CCDC82: variants seen among roughly 807,000 people sequenced by gnomAD.
CCDC82 encodes the protein coiled-coil domain-containing protein 82.
Under a neutral mutation model 60.6 loss-of-function variants are expected in CCDC82, and 47 were observed. The ratio of observed to expected loss-of-function variants is 0.77; its 90% CI spans 0.61 to 0.99. The LOEUF is 0.99. CCDC82 is among the 50% of genes least tolerant of loss of function. The pLI, the probability that CCDC82 is intolerant of heterozygous loss-of-function variation, is 0.00. For synonymous variants in CCDC82, 212 were observed against 207.4 expected, an observed-to-expected ratio of 1.02 and a Z score of -0.19; for missense variants, 588 against 633.0, an observed-to-expected ratio of 0.93 and a Z score of 0.76.
chr11:96,362,405 G>C (rs531671504), intron 8 of CCDC82, among the ~76,000 whole-genome samples: 1 of 152,158 alleles, frequency 6.6e-6, no homozygotes, highest in South Asian at 2.1e-4. Flanking sequence ...CAATCCAAAG[G>C]GTTCTATTTG....
chr11:96,371,262 A>T (rs921507693), intron 6 of CCDC82, 125 bp from the exon 7 acceptor site: 2 of 627,926 alleles, frequency 3.2e-6, no homozygotes, highest in Admixed American at 4.0e-5. Context: ...AAAATATTTA[A>T]AAAATCATTC....
At position 96,384,432 on chromosome 11, in the gene CCDC82, C is replaced by A; in HGVS notation, c.316G>T (p.Gly106Cys). 1 of 1,613,652 alleles carries A rather than the reference C, an allele frequency of 6.2e-7. No homozygotes were observed. ...TTCGTTTCTTCTTCATATGTTGAAC[C>A]GTTGCCAGAGTTAATGAGACACTTA... ...DSKCLINSGNGSTYEEETNKI... is the reference protein window; with the variant it reads ...DSKCLINSGNCSTYEEETNKI... The change falls in exon 4 of 10, where the codon GGT becomes TGT. Residue 106 changes from glycine to cysteine, a missense_variant. Coordinates refer to ENST00000646818, the MANE Select transcript of CCDC82 (RefSeq NM_024725.4).
chr11:96,357,818 AG>A (rs1287660971), intron 9 of CCDC82: 39 of 985,284 alleles, frequency 4.0e-5, no homozygotes, highest in Non-Finnish European at 4.3e-5. Flanking sequence ...TCTCTCCTAA[AG>A]CAAATGAAAA....
intron 3 of CCDC82, chr11:96,385,840 T>C (rs1866160146): frequency 6.6e-6 from 1 of 152,046 alleles, no homozygotes; most frequent in African/African-American, 2.4e-5. Flanking sequence ...TCTGTGGTTG[T>C]TAGGGAATAG....
intron 5 of CCDC82, among the ~76,000 whole-genome samples, chr11:96,379,168 C>T (rs1480226522): frequency 1.3e-5 from 2 of 151,926 alleles, no homozygotes; most frequent in African/African-American, 2.4e-5. Context: ...TTATTCATCA[C>T]ATAGGTTACT....
intron 8 of CCDC82, among the ~76,000 whole-genome samples, chr11:96,361,652 C>T (rs1864666961): frequency 6.6e-6 from 1 of 152,150 alleles, no homozygotes; most frequent in Non-Finnish European, 1.5e-5. Context: ...TGTATTGTTA[C>T]AGCCCATTGT....
chr11:96,383,927 A>G (rs1866024363), intron 4 of CCDC82, 35 bp downstream of exon 4: 1 of 1,545,466 alleles, frequency 6.5e-7, no homozygotes. Context: ...AAAAAAACTG[A>G]AAAACAATAA....
intron 9 of CCDC82, chr11:96,358,665 T>C (rs1591161270): frequency 8.4e-7 from 1 of 1,184,494 alleles, no homozygotes; most frequent in Non-Finnish European, 1.0e-6. Context: ...CTATACTCTG[T>C]CAAAAAAAAA....
At chr11:96,366,283 TTTTG>T (rs754758955) in intron 7 of CCDC82, among the ~76,000 whole-genome samples, 9 of 152,232 alleles carry the variant, frequency 5.9e-5, no homozygotes, top group Admixed American at 2.6e-4. Context: ...TGTTGGTTTA[TTTTG>T]TTTGTTAGTT....
In CCDC82 at chr11:96,353,283, G is replaced by A. The variant is rs531991342; in HGVS notation, c.*363C>T. ...ATAAACAGATCTGGACAGGAATTCC[G>A]TAAAAATACATGTAGACGTTAGTCT... On this transcript the variant is annotated 3_prime_UTR_variant, in exon 10 of 10. Coordinates refer to ENST00000646818, the MANE Select transcript of CCDC82 (RefSeq NM_024725.4). The A allele has an allele frequency of 9.9e-5, 17 of 171,514 alleles. No homozygotes were observed. Among genetic ancestry groups the A allele is most frequent in the East Asian group, 7.0e-4 (4 of 5,724 alleles). The allele number at this position is 171,514 out of a possible 1,614,324, so 10.6% of individuals were successfully genotyped here. A position where few individuals can be genotyped will look rare whatever the true frequency, so the allele number is the denominator to read the frequency against.
chr11:96,373,966 C>T (rs1297623364), intron 5 of CCDC82, among the ~76,000 whole-genome samples: 1 of 152,150 alleles, frequency 6.6e-6, no homozygotes, highest in Non-Finnish European at 1.5e-5. Context: ...GGATTTTCTA[C>T]ATCAATTTAG....
intron 5 of CCDC82, chr11:96,381,894 C>G (rs1337800449): frequency 6.6e-6 from 1 of 151,760 alleles, no homozygotes; most frequent in Non-Finnish European, 1.5e-5. Context: ...AGGCAGCTGG[C>G]CCCTTAACTT....
At position 96,384,099 on chromosome 11, in the gene CCDC82, C is replaced by A; in HGVS notation, c.649G>T (p.Glu217Ter). The change falls in exon 4 of 10, where the codon GAA (glutamate) becomes TAA (stop). Residue 217 changes from glutamate (E) to a stop codon, truncating the protein, a stop_gained. Transcript: ENST00000646818. LOFTEE classifies it high-confidence loss of function. ...VKRPRRVVED[E>*]GSSVEMEQKT... ...TGCTCCATTTCCACTGAAGAACCTT[C>A]ATCTTCAACCACTCTACGGGGACGT... 8.7e-6 allele frequency: 14 copies of A among 1,613,710 alleles called. No homozygotes were observed. Among genetic ancestry groups the A allele is most frequent in the Non-Finnish European group, 1.1e-5 (13 of 1,179,730 alleles).
intron 5 of CCDC82, among the ~76,000 whole-genome samples, chr11:96,377,595 A>C (rs1865656570): frequency 6.6e-6 from 1 of 152,174 alleles, no homozygotes; most frequent in African/African-American, 2.4e-5. Context: ...TTTTCTTAAA[A>C]GCCAGGTATG....
At chr11:96,378,500 C>G (rs1865707490) in intron 5 of CCDC82, among the ~76,000 whole-genome samples, 1 of 151,654 alleles carries the variant, frequency 6.6e-6, no homozygotes, top group Non-Finnish European at 1.5e-5. Flanking sequence ...ATTCTTAGGC[C>G]CACTCTTTAT....
intron 9 of CCDC82, chr11:96,355,989 G>C (rs1433380557): frequency 1.3e-5 from 2 of 152,306 alleles, no homozygotes; most frequent in East Asian, 3.9e-4. Context: ...ACTGCAGAAG[G>C]GAATTGATTC....
chr11:96,380,903 T>C (rs1865843693), intron 5 of CCDC82: 1 of 151,578 alleles, frequency 6.6e-6, no homozygotes, highest in Non-Finnish European at 1.5e-5. Context: ...TAATGGTAGA[T>C]ACATGTCATT....
chr11:96,357,284 G>A (rs770753883), intron 9 of CCDC82: 18 of 985,196 alleles, frequency 1.8e-5, no homozygotes, highest in South Asian at 4.7e-5. Flanking sequence ...TTTTTAAGTG[G>A]AGAAATCTCA....
intron 8 of CCDC82, among the ~76,000 whole-genome samples, chr11:96,359,530 A>G (rs1206595183): frequency 6.6e-6 from 1 of 152,146 alleles, no homozygotes; most frequent in Non-Finnish European, 1.5e-5. Context: ...CAGATAGAAC[A>G]AAAGTCCCCA....
Sources: gnomAD v4.1 joint callset for allele counts (sites outside exome capture counted in the v4.1 genomes callset) on GRCh38, gnomAD v4.1.1 for gene constraint, MANE v1.5 for transcripts, NCBI Gene and HGNC (gene_info 2026-07-23, HGNC 2026-07-21) for gene names.